Variants in PCDHGA1 observed in about 807,000 individuals in gnomAD.
PCDHGA1 encodes protocadherin gamma subfamily A, 1, also known as protocadherin gamma-A1.
In PCDHGA1, 32 loss-of-function variants were observed where a neutral mutation model predicts 58.0. The ratio of observed to expected loss-of-function variants is 0.55; its 90% confidence interval spans 0.42 to 0.74. The LOEUF (loss-of-function observed/expected upper bound fraction) is 0.74. Among genes scored for constraint, PCDHGA1 ranks in the 30% least tolerant of loss-of-function variants. The pLI, the probability that PCDHGA1 is intolerant of heterozygous loss-of-function variation, is 0.00. For synonymous variants in PCDHGA1, 498 were observed against 501.1 expected (o/e 0.99, Z 0.08); for missense variants, 1,205 against 1,182.3 (o/e 1.02, Z -0.28).
At chr5:141,417,798 C>T in intron 1 of PCDHGA1, 2 of 1,486,472 alleles carry the variant, frequency 1.3e-6, no homozygotes, top group Non-Finnish European at 1.8e-6. Context: ...GCTCTTTTAG[C>T]GCGGTAGAGT....
At chr5:141,372,777 GA>G in intron 1 of PCDHGA1, 1 of 1,609,460 alleles carries the variant, frequency 6.2e-7, no homozygotes, top group East Asian at 2.2e-5. Flanking sequence ...TGACAATCCA[GA>G]AATGCCTTCT....
At chr5:141,496,310 A>G (rs1446146598) in intron 2 of PCDHGA1, among the ~76,000 whole-genome samples, 1 of 152,218 alleles carries the variant, frequency 6.6e-6, no homozygotes, top group East Asian at 1.9e-4. Context: ...GCTCTGCGCC[A>G]GGCCTCCCAG....
intron 1 of PCDHGA1, chr5:141,393,825 G>C: frequency 6.2e-7 from 1 of 1,613,964 alleles, no homozygotes; most frequent in Non-Finnish European, 8.5e-7. Flanking sequence ...CATTTCGGTG[G>C]AAGATGTAAA....
At chr5:141,399,298 A>T (rs1451298331) in intron 1 of PCDHGA1, 1 of 1,613,850 alleles carries the variant, frequency 6.2e-7, no homozygotes, top group Non-Finnish European at 8.5e-7. Flanking sequence ...TTTTAAGATT[A>T]TCTCTTCATC....
chr5:141,393,303 G>A (rs1305361582), intron 1 of PCDHGA1: 5 of 1,613,646 alleles, frequency 3.1e-6, no homozygotes, highest in Non-Finnish European at 3.4e-6. Context: ...GGATGTGGGC[G>A]TGAACTCCCT....
At chr5:141,412,903 G>C (rs2095586511) in intron 1 of PCDHGA1, 1 of 376,030 alleles carries the variant, frequency 2.7e-6, no homozygotes, top group African/African-American at 2.1e-5. Context: ...ACTTTCCATT[G>C]CATGTATCAC....
intron 1 of PCDHGA1, among the ~76,000 whole-genome samples, chr5:141,343,521 TTTG>T (rs1757294333): frequency 6.6e-6 from 1 of 152,220 alleles, no homozygotes; most frequent in Non-Finnish European, 1.5e-5. Context: ...CGGCCAGTTC[TTTG>T]TTACTGTGTG....
At chr5:141,412,204 T>G (rs2095542280) in intron 1 of PCDHGA1, 1 of 152,240 alleles carries the variant, frequency 6.6e-6, no homozygotes, top group Admixed American at 6.5e-5. Context: ...ACAGGTCATT[T>G]GACATAAACA....
chr5:141,432,745 G>A lies in PCDHGA1; in HGVS notation c.2422-62062G>A, dbSNP rs138883931. ...TCTCCGCCACTGTCACGCTCACCGT[G>A]GCCGTGGCCGACAGCATCCCCCAAG... On this transcript the variant is annotated intron_variant, in intron 1 of 3. Coordinates refer to ENST00000517417, the MANE Select transcript of PCDHGA1 (RefSeq NM_018912.3). This position sits in a 1 kb window ranked among gnomAD's most constrained non-coding sequence, Gnocchi z 6.0. 311 of 1,614,110 alleles carry A rather than the reference G, an allele frequency of 1.9e-4. No individual in the cohort carries two copies. The African/African-American group carries it at 3.5e-3, about 18-fold the overall frequency.
chr5:141,410,820 T>A (rs1032991309), intron 1 of PCDHGA1: 14 of 524,668 alleles, frequency 2.7e-5, no homozygotes, highest in Non-Finnish European at 4.1e-5. Context: ...TAAAATAATG[T>A]CACCAGACTG....
chr5:141,331,789 A>T lies in PCDHGA1; in HGVS notation c.1105A>T (p.Ile369Phe). The change falls in exon 1 of 4, where the codon ATC (isoleucine) becomes TTC (phenylalanine). Residue 369 changes from isoleucine (I) to phenylalanine (F), a missense_variant. Ile to Phe is a conservative substitution (Grantham distance 21, BLOSUM62 0). Transcript: ENST00000517417. Reference sequence around the variant, plus strand: ...TCCTCCTGGGACCATAATTGCTCTTATCAGTGTGCATGACCAGGACTCAGG... The same window carrying T: ...TCCTCCTGGGACCATAATTGCTCTTTTCAGTGTGCATGACCAGGACTCAGG... Reference protein sequence around the residue: ...NFPPGTIIALISVHDQDSGDN... With the variant: ...NFPPGTIIALFSVHDQDSGDN... 1 of 1,614,204 alleles carries T rather than the reference A, an allele frequency of 6.2e-7. No homozygotes were observed. The highest frequency in any genetic ancestry group is 8.5e-7 in the Non-Finnish European group (1 of 1,180,026).
chr5:141,427,693 C>A, intron 1 of PCDHGA1: 2 of 909,726 alleles, frequency 2.2e-6, no homozygotes, highest in East Asian at 2.5e-5. Context: ...GCCTCCATCC[C>A]ACAAGTCAGC....
intron 1 of PCDHGA1, chr5:141,355,132 G>A: frequency 6.6e-7 from 1 of 1,519,210 alleles, no homozygotes; most frequent in Non-Finnish European, 8.8e-7. Context: ...GGACCCAGAA[G>A]ATCCTGGGGC....
intron 1 of PCDHGA1, among the ~76,000 whole-genome samples, chr5:141,452,760 G>A (rs920853226): frequency 3.3e-5 from 5 of 152,120 alleles, no homozygotes; most frequent in Non-Finnish European, 7.4e-5. Context: ...AAGGAAGGGA[G>A]GGAGGGAAAA....
intron 1 of PCDHGA1, among the ~76,000 whole-genome samples, chr5:141,467,486 T>A (rs985186472): frequency 6.6e-6 from 1 of 152,242 alleles, no homozygotes; most frequent in Non-Finnish European, 1.5e-5. Flanking sequence ...GGTTTCCACA[T>A]TTAGATCCCT....
rs369551410 is a variant in PCDHGA1, at chr5:141,415,294, G to A, written c.2422-79513G>A. ...GGTAGCGGTGGCCGCGGTCTCCTGC[G>A]TCTTCCTGGCCTTCGTCATCGTGCT... On this transcript the variant is annotated intron_variant, in intron 1 of 3. Transcript: ENST00000517417. 10 of 1,614,050 alleles carry A rather than the reference G, an allele frequency of 6.2e-6. No homozygotes were observed. In the African/African-American group the frequency reaches 1.1e-4, roughly 17 times the overall value.
intron 3 of PCDHGA1, among the ~76,000 whole-genome samples, chr5:141,510,660 G>A (rs2099882170): frequency 1.3e-5 from 2 of 152,174 alleles, no homozygotes; most frequent in East Asian, 1.9e-4. Context: ...TTTTGCAGAT[G>A]AGAAAACTGA....
intron 1 of PCDHGA1, among the ~76,000 whole-genome samples, chr5:141,482,314 A>G (rs1279804501): frequency 6.6e-6 from 1 of 152,180 alleles, no homozygotes; most frequent in Admixed American, 6.5e-5. Flanking sequence ...TTCCTCATCT[A>G]TAAAATAAAG....
chr5:141,332,860 C>T lies in PCDHGA1; in HGVS notation c.2176C>T (p.Gln726Ter). 6.2e-7 allele frequency: 1 copy of T among 1,614,218 alleles called. No homozygotes were observed. The highest frequency in any genetic ancestry group is 8.5e-7 in the Non-Finnish European group (1 of 1,180,036). The stretch of plus-strand genomic sequence containing the variant: ...GCGCTGGCACAAGTCACGTCTGCTA[C>T]AGGCTTCGGGAGGCGGCTTAGCGAG... ...LRRWHKSRLL[Q>*]ASGGGLASMP... The change falls in exon 1 of 4, where the codon CAG becomes TAG. Residue 726 changes from glutamine to a stop codon, truncating the protein, a stop_gained. Transcript: ENST00000517417. LOFTEE classifies it high-confidence loss of function. This position sits in a 1 kb window ranked among gnomAD's most constrained non-coding sequence, Gnocchi z 4.6.
Sources: gnomAD v4.1 joint callset for allele counts (sites outside exome capture counted in the v4.1 genomes callset) on GRCh38, gnomAD v4.1.1 for gene constraint, Gnocchi (gnomAD v3.1) non-coding constraint, MANE v1.5 for transcripts, NCBI Gene and HGNC (gene_info 2026-07-23, HGNC 2026-07-21) for gene names.